Variants in DIXDC1 observed in about 807,000 individuals in gnomAD.
DIXDC1 encodes DIX domain containing 1.
DIXDC1 carries 64 observed loss-of-function variants against 103.1 expected under a neutral mutation model. That is an observed-to-expected ratio of 0.62 (90% CI 0.51 to 0.76). The LOEUF is 0.76. Among genes scored for constraint, DIXDC1 ranks in the 30% least tolerant of loss-of-function variants. The pLI, the probability that DIXDC1 is intolerant of heterozygous loss-of-function variation, is 0.00. For missense variants in DIXDC1, 759 were observed against 834.2 expected, an observed-to-expected ratio of 0.91 and a Z score of 1.11; for synonymous variants, 266 against 298.5, an observed-to-expected ratio of 0.89 and a Z score of 1.12.
At chr11:111,975,854 G>T in intron 5 of DIXDC1, 4 of 984,386 alleles carry the variant, frequency 4.1e-6, no homozygotes, top group Non-Finnish European at 4.8e-6. Flanking sequence ...AATTTATTGA[G>T]GTCATATGGA....
intron 1 of DIXDC1, among the ~76,000 whole-genome samples, chr11:111,963,015 G>A (rs1361002034): frequency 6.6e-6 from 1 of 152,146 alleles, no homozygotes; most frequent in Non-Finnish European, 1.5e-5. Context: ...AGAGACCCTT[G>A]GTAAATGCAT....
chr11:112,003,502 G>C (rs1321141876), intron 17 of DIXDC1, among the ~76,000 whole-genome samples: 1 of 151,844 alleles, frequency 6.6e-6, no homozygotes, highest in East Asian at 1.9e-4. Flanking sequence ...TTAACGTAAA[G>C]AAAAGATAAA....
intron 17 of DIXDC1, among the ~76,000 whole-genome samples, chr11:112,001,171 A>T (rs1416983897): frequency 6.6e-6 from 1 of 152,224 alleles, no homozygotes; most frequent in Non-Finnish European, 1.5e-5. Flanking sequence ...GGAAAACATT[A>T]TGCTAAGTGG....
intron 7 of DIXDC1, among the ~76,000 whole-genome samples, chr11:111,982,976 G>A (rs1860367140): frequency 6.6e-6 from 1 of 152,220 alleles, no homozygotes; most frequent in Non-Finnish European, 1.5e-5. Context: ...AGGCATAATG[G>A]TCAGGTAGAA....
intron 5 of DIXDC1, chr11:111,975,834 C>A: frequency 1.0e-6 from 1 of 985,058 alleles, no homozygotes; most frequent in Non-Finnish European, 1.2e-6. Context: ...TATTTTAATG[C>A]ACATTTCCTA....
upstream of DIXDC1, chr11:111,937,237 AGCGCCGCTCAACCTAGTGC>A: frequency 4.3e-6 from 5 of 1,171,536 alleles, no homozygotes; most frequent in Non-Finnish European, 5.3e-6. Flanking sequence ...GCAGCCCGGC[AGCGCCGCTCAACCTAGTGC>A]GCGCCCAGTT....
At chr11:111,991,374 A>G (rs1555174517) in intron 10 of DIXDC1, among the ~76,000 whole-genome samples, 1 of 152,204 alleles carries the variant, frequency 6.6e-6, no homozygotes, top group African/African-American at 2.4e-5. Flanking sequence ...TGGCACATTA[A>G]TGTCCCATGG....
chr11:111,930,034 T>TA, intron 2 of DIXDC1: 1 of 786,680 alleles, frequency 1.3e-6, no homozygotes, highest in Non-Finnish European at 1.8e-6. Context: ...TATATTTGTC[T>TA]TTTTTTTTGC....
chr11:111,941,570 C>T (rs1966416010), intron 1 of DIXDC1, among the ~76,000 whole-genome samples: 1 of 151,926 alleles, frequency 6.6e-6, no homozygotes. Flanking sequence ...AATCCCAGCA[C>T]TTTGAGAGGC....
chr11:112,011,746 T>A (rs1186188647), intron 17 of DIXDC1, among the ~76,000 whole-genome samples: 2 of 150,030 alleles, frequency 1.3e-5, no homozygotes, highest in African/African-American at 4.9e-5. Context: ...AGGTGGGAAT[T>A]GAACAATGAG....
At chr11:112,007,814 A>C (rs1213393151) in intron 17 of DIXDC1, among the ~76,000 whole-genome samples, 2 of 152,224 alleles carry the variant, frequency 1.3e-5, no homozygotes, top group East Asian at 3.8e-4. Context: ...GAAGCACTAA[A>C]CATGGAAAGG....
Position 111,966,009 on chromosome 11 carries a change from C to G in DIXDC1, c.190+1331C>G, listed in dbSNP as rs587627474. 4.6e-5 allele frequency among the ~76,000 whole-genome samples: 7 copies of G among 152,226 alleles called. No homozygotes were observed. The East Asian group carries it at 1.3e-3, about 29-fold the overall frequency. ...CCAGATGTACAAAAGGATGTAAGAT[C>G]AAACCTCCTTTTTCCACTTATGTTC... On this transcript the variant is annotated intron_variant, in intron 2 of 19. Coordinates refer to ENST00000440460, the MANE Select transcript of DIXDC1 (RefSeq NM_001037954.4).
chr11:111,937,230 GC>G (rs1966233872), upstream of DIXDC1: 1 of 1,174,842 alleles, frequency 8.5e-7, no homozygotes, highest in Admixed American at 4.6e-5. Flanking sequence ...GCTGGGGGCA[GC>G]CCGGCAGCGC....
At chr11:112,005,988 C>T (rs782622465) in intron 17 of DIXDC1, among the ~76,000 whole-genome samples, 26 of 152,196 alleles carry the variant, frequency 1.7e-4, no homozygotes, top group Admixed American at 5.2e-4. Context: ...GGCGTCGCCT[C>T]ACCCAGGAAG....
chr11:111,980,977 A>G (rs1306118055), intron 6 of DIXDC1, 128 bp downstream of exon 6: 1 of 654,858 alleles, frequency 1.5e-6, no homozygotes. Context: ...GGTCAGCACT[A>G]GAGGGCTCTA....
intron 17 of DIXDC1, 35 bp from the exon 18 acceptor site, chr11:112,016,656 T>A: frequency 6.6e-7 from 1 of 1,520,668 alleles, no homozygotes; most frequent in Non-Finnish European, 8.9e-7. Flanking sequence ...TTAGAGCAAA[T>A]GAATGTTCTA....
chr11:111,978,791 GT>G (rs1410666695), intron 5 of DIXDC1, among the ~76,000 whole-genome samples: 1 of 152,164 alleles, frequency 6.6e-6, no homozygotes, highest in Non-Finnish European at 1.5e-5. Context: ...GTGTTTTCTT[GT>G]TTCTCAAAGA....
In DIXDC1 at chr11:111,985,082, T is replaced by A. The variant is rs371872532; in HGVS notation, c.919-150T>A. ...AAGGAACTAGTCCCAGGGTGAGCAA[T>A]GGGAAGTATCTAAGGAGCAAAAATT... On this transcript the variant is annotated intron_variant, in intron 7 of 19. Coordinates refer to ENST00000440460, the MANE Select transcript of DIXDC1 (RefSeq NM_001037954.4). 35 of 693,608 alleles carry A rather than the reference T, an allele frequency of 5.0e-5. No homozygotes were observed. The African/African-American group carries it at 5.6e-4, about 11-fold the overall frequency. 43.0% of individuals were successfully genotyped at this position (693,608 alleles called of 1,614,324 possible).
intron 17 of DIXDC1, among the ~76,000 whole-genome samples, chr11:112,001,460 A>C (rs1214656276): frequency 1.3e-5 from 2 of 152,232 alleles, no homozygotes; most frequent in Non-Finnish European, 2.9e-5. Context: ...GGTGAATTTT[A>C]CTACAATTTT....
Sources: gnomAD v4.1 joint callset for allele counts (sites outside exome capture counted in the v4.1 genomes callset) on GRCh38, gnomAD v4.1.1 for gene constraint, MANE v1.5 for transcripts, NCBI Gene and HGNC (gene_info 2026-07-23, HGNC 2026-07-21) for gene names.